DAB1: variants seen among roughly 807,000 people sequenced by gnomAD.
DAB1 encodes the protein disabled homolog 1.
DAB1 carries 15 observed loss-of-function variants against 64.6 expected under a neutral mutation model. The ratio of observed to expected loss-of-function variants is 0.23; its 90% confidence interval spans 0.16 to 0.36. DAB1 has a LOEUF of 0.36. Ranked by LOEUF, DAB1 falls within the 10% of genes least tolerant of loss-of-function variation. DAB1 has a pLI of 1.00. For synonymous variants in DAB1, 235 were observed against 251.9 expected (o/e 0.93, Z 0.64); for missense variants, 596 against 706.7 (o/e 0.84, Z 1.78).
At position 58,449,325 on chromosome 1, in the gene DAB1, C is replaced by T. The variant is rs532167784; in HGVS notation, n.257+56735G>A. ...CAGGTTACTCTGACCCTTTTTCAGA[C>T]GCAGCTGCAAAGTCAGGCTCTGCTG... is the stretch of plus-strand genomic sequence containing the variant. On this transcript the variant is annotated intron_variant and non_coding_transcript_variant, in intron 3 of 20. Coordinates refer to the DAB1 transcript ENST00000485760. Among the ~76,000 whole-genome samples, 16 of 152,284 alleles carry T rather than the reference C, an allele frequency of 1.1e-4. No individual in the cohort carries two copies. In the South Asian group the frequency reaches 1.2e-3, roughly 12 times the overall value.
intron 4 of DAB1, among the ~76,000 whole-genome samples, chr1:57,074,870 G>T (rs995156391): frequency 6.6e-6 from 1 of 152,084 alleles, no homozygotes; most frequent in Non-Finnish European, 1.5e-5. Flanking sequence ...TTTATTAAGA[G>T]GACATATTTA....
intron 7 of DAB1, among the ~76,000 whole-genome samples, chr1:57,590,069 A>G (rs1645425815): frequency 6.6e-6 from 1 of 152,128 alleles, no homozygotes; most frequent in Admixed American, 6.5e-5. Flanking sequence ...TTAAACAACA[A>G]AAATTTATTT....
At chr1:57,645,700 G>C (rs1646184299) in intron 7 of DAB1, among the ~76,000 whole-genome samples, 1 of 152,162 alleles carries the variant, frequency 6.6e-6, no homozygotes, top group African/African-American at 2.4e-5. Flanking sequence ...TCATTTTCCT[G>C]ATGTGAAACT....
chr1:57,453,847 C>A (rs185460011), intron 7 of DAB1, among the ~76,000 whole-genome samples: 53 of 152,074 alleles, frequency 3.5e-4, no homozygotes, highest in African/African-American at 1.3e-3. Context: ...GACATTACTT[C>A]TTTTTTTCTC....
At chr1:57,211,767 A>G (rs1666025350) in intron 2 of DAB1, among the ~76,000 whole-genome samples, 1 of 151,396 alleles carries the variant, frequency 6.6e-6, no homozygotes, top group African/African-American at 2.4e-5. Flanking sequence ...AGTAAAAAAC[A>G]ATAACAATAA....
At chr1:57,371,903 C>G (rs1203451753) in intron 1 of DAB1, among the ~76,000 whole-genome samples, 2 of 152,156 alleles carry the variant, frequency 1.3e-5, no homozygotes, top group Non-Finnish European at 1.5e-5. Context: ...GCCAGGGATG[C>G]TACTAAACAT....
At chr1:57,201,540 T>C (rs995573863) in intron 2 of DAB1, among the ~76,000 whole-genome samples, 4 of 152,034 alleles carry the variant, frequency 2.6e-5, no homozygotes, top group Non-Finnish European at 4.4e-5. Context: ...TCACCAATTA[T>C]GTGAGGGCCC....
At chr1:58,288,042 A>AG (rs1661732933) in intron 4 of DAB1, among the ~76,000 whole-genome samples, 1 of 149,858 alleles carries the variant, frequency 6.7e-6, no homozygotes, top group African/African-American at 2.5e-5. Context: ...AAAAAAAAAA[A>AG]AAAGAAAAAA....
intron 2 of DAB1, among the ~76,000 whole-genome samples, chr1:57,219,504 C>T (rs1321406079): frequency 6.6e-6 from 1 of 152,198 alleles, no homozygotes; most frequent in Non-Finnish European, 1.5e-5. Context: ...CCCACTGAGC[C>T]ACACCCTTGA....
intron 2 of DAB1, among the ~76,000 whole-genome samples, chr1:57,223,613 C>G (rs1285380352): frequency 6.6e-6 from 1 of 152,170 alleles, no homozygotes; most frequent in Non-Finnish European, 1.5e-5. Flanking sequence ...AGGATATGAT[C>G]CCTGGGCAGG....
intron 7 of DAB1, among the ~76,000 whole-genome samples, chr1:57,431,161 AAAC>A (rs1685499161): frequency 1.3e-5 from 2 of 148,844 alleles, no homozygotes; most frequent in African/African-American, 5.2e-5. Flanking sequence ...AAAAAAAGAA[AAAC>A]AAAAAAAAAG....
intron 4 of DAB1, among the ~76,000 whole-genome samples, chr1:58,231,419 C>A (rs1659768855): frequency 6.6e-6 from 1 of 152,192 alleles, no homozygotes; most frequent in Non-Finnish European, 1.5e-5. Context: ...CACAAACATG[C>A]AAATGGGCGA....
At chr1:57,387,146 A>T (rs956871156) in intron 1 of DAB1, 3 of 152,202 alleles carry the variant, frequency 2.0e-5, no homozygotes, top group African/African-American at 7.2e-5. Context: ...GAGAGACCTC[A>T]AGCAAGTCAC....
chr1:57,483,927 T>C (rs1644056922), intron 7 of DAB1, among the ~76,000 whole-genome samples: 1 of 152,108 alleles, frequency 6.6e-6, no homozygotes, highest in Non-Finnish European at 1.5e-5. Context: ...AGAGGTAAAA[T>C]GAGCAATTAA....
chr1:58,402,658 G>C (rs1468135252), intron 3 of DAB1, among the ~76,000 whole-genome samples: 1 of 151,848 alleles, frequency 6.6e-6, no homozygotes, highest in African/African-American at 2.4e-5. Flanking sequence ...GGGGGGGAGA[G>C]AGAGGGAGAG....
intron 6 of DAB1, 104 bp from the exon 7 acceptor site, chr1:57,071,165 G>A: frequency 9.0e-7 from 1 of 1,116,534 alleles, no homozygotes. Context: ...CCAGCTCTGG[G>A]CAGAAGAGGC....
chr1:57,515,488 G>T (rs985576709), intron 7 of DAB1, among the ~76,000 whole-genome samples: 12 of 152,276 alleles, frequency 7.9e-5, no homozygotes, highest in Admixed American at 6.5e-4. Context: ...TCAGAACCAA[G>T]AATATGGTCG....
chr1:57,510,903 C>T (rs1192158672), intron 7 of DAB1, among the ~76,000 whole-genome samples: 4 of 152,184 alleles, frequency 2.6e-5, no homozygotes, highest in African/African-American at 9.7e-5. Context: ...CTCAGCCTCC[C>T]AAGTAGCTGG....
At chr1:58,086,214 C>T (rs1044346172) in intron 5 of DAB1, among the ~76,000 whole-genome samples, 6 of 151,932 alleles carry the variant, frequency 3.9e-5, no homozygotes, top group Non-Finnish European at 7.4e-5. Context: ...CCGCCCGCCT[C>T]GGCCTCCCAA....
Sources: allele counts gnomAD v4.1 joint callset (sites outside exome capture counted in the v4.1 genomes callset), GRCh38; gene constraint gnomAD v4.1.1; transcripts MANE v1.5; gene names NCBI Gene and HGNC (gene_info 2026-07-23, HGNC 2026-07-21).